Variants in SCHIP1 observed in about 807,000 individuals in gnomAD.
SCHIP1 encodes the protein schwannomin-interacting protein 1.
A neutral mutation model predicts 29.7 loss-of-function variants in SCHIP1; 8 were observed. The ratio of observed to expected loss-of-function variants is 0.27; its 90% CI spans 0.16 to 0.49. SCHIP1 has a LOEUF of 0.49. SCHIP1 is among the 20% of genes least tolerant of loss of function. The probability of loss-of-function intolerance (pLI) is 0.99; values close to 1 mark genes in which losing one functional copy is unlikely to be tolerated. For synonymous variants in SCHIP1, 76 were observed against 94.9 expected (o/e 0.80, Z 1.16); for missense variants, 193 against 294.6 (o/e 0.66, Z 2.52).
the SCHIP1 span, among the ~76,000 whole-genome samples, chr3:159,649,963 G>A: frequency 6.6e-6 from 1 of 152,228 alleles, no homozygotes; most frequent in South Asian, 2.1e-4. Flanking sequence ...CCAAGACATA[G>A]GTATATTCTA....
chr3:159,609,711 G>A, the SCHIP1 span, among the ~76,000 whole-genome samples: 5 of 152,126 alleles, frequency 3.3e-5, no homozygotes, highest in Admixed American at 6.5e-5. Flanking sequence ...AGATAGCAGA[G>A]TTGCCCTACG....
chr3:159,310,317 A>T, the SCHIP1 span, among the ~76,000 whole-genome samples: 1 of 152,172 alleles, frequency 6.6e-6, no homozygotes, highest in African/African-American at 2.4e-5. Context: ...GTGTCTAGTA[A>T]TGCATCCCTT....
chr3:159,273,679 A>G, the SCHIP1 span: 25 of 1,395,578 alleles, frequency 1.8e-5, no homozygotes, highest in African/African-American at 1.9e-4. Context: ...GGGCAAAAGC[A>G]TCACTTATTT....
At chr3:159,694,244 C>CTAACCT in the SCHIP1 span, among the ~76,000 whole-genome samples, 2 of 151,912 alleles carry the variant, frequency 1.3e-5, no homozygotes, top group Non-Finnish European at 2.9e-5. Context: ...AACCCTAACC[C>CTAACCT]TAACCCTAAC....
rs1440922016 is a variant in SCHIP1, at chr3:159,842,997, C to CTTTTTTT, written c.30+2786_30+2787insTTTTTTT. Among the ~76,000 whole-genome samples, 290 of 61,672 alleles carry CTTTTTTT rather than the reference C, an allele frequency of 4.7e-3. 28 individuals carry two copies. Among genetic ancestry groups the CTTTTTTT allele is most frequent in the East Asian group, 0.014 (34 of 2,426 alleles). The allele number at this position is 61,672 out of a possible 152,430, so 40.5% of individuals were successfully genotyped here. A position where few individuals can be genotyped will look rare whatever the true frequency, so the allele number is the denominator to read the frequency against. ...GCTCTCCAGTTCTATCCCAATATTTCTTTCTTTTTTTTTTTTTTTTTTTTT... is the reference window on the plus strand; with the variant it reads ...GCTCTCCAGTTCTATCCCAATATTTCTTTTTTTTTTCTTTTTTTTTTTTTTTTTTTTT... On this transcript the variant is annotated intron_variant, in intron 1 of 6. Coordinates refer to ENST00000445224, the Ensembl canonical transcript of SCHIP1.
chr3:159,273,986 G>T, the SCHIP1 span: 1 of 1,523,560 alleles, frequency 6.6e-7, no homozygotes, highest in South Asian at 1.2e-5. Flanking sequence ...AATTTAAGCT[G>T]ATGGCCTTCA....
At chr3:159,584,129 A>C in the SCHIP1 span, among the ~76,000 whole-genome samples, 1 of 152,132 alleles carries the variant, frequency 6.6e-6, no homozygotes, top group Non-Finnish European at 1.5e-5. Flanking sequence ...GGTACTTGCC[A>C]GGTCATTTTG....
At chr3:159,585,279 T>C in the SCHIP1 span, among the ~76,000 whole-genome samples, 2 of 152,146 alleles carry the variant, frequency 1.3e-5, no homozygotes, top group Non-Finnish European at 2.9e-5. Context: ...GAGTAGGTAC[T>C]CACTAAGTAA....
At chr3:159,545,704 C>G in the SCHIP1 span, among the ~76,000 whole-genome samples, 25,475 of 146,330 alleles carry the variant, frequency 0.17, 2,452 homozygotes, top group South Asian at 0.35. Context: ...AATTGTACAT[C>G]TTTTGTACAA....
At chr3:159,844,517 G>A (rs1711540633) in intron 1 of SCHIP1, among the ~76,000 whole-genome samples, 1 of 152,178 alleles carries the variant, frequency 6.6e-6, no homozygotes, top group Non-Finnish European at 1.5e-5. Flanking sequence ...TGTGGTCTTA[G>A]CCCTGTTAAA....
the SCHIP1 span, among the ~76,000 whole-genome samples, chr3:159,776,332 C>CTT: frequency 0.031 from 4,194 of 133,416 alleles, 152 homozygotes; most frequent in African/African-American, 0.11. Context: ...AGTGTTCTGT[C>CTT]TTTTTTTTTT....
the SCHIP1 span, among the ~76,000 whole-genome samples, chr3:159,694,592 GA>G: frequency 7.3e-6 from 1 of 136,092 alleles, no homozygotes; most frequent in Non-Finnish European, 1.7e-5. Flanking sequence ...AAGAAAGAAA[GA>G]AAGAAAGAAA....
At chr3:159,772,816 C>T in the SCHIP1 span, among the ~76,000 whole-genome samples, 5 of 152,276 alleles carry the variant, frequency 3.3e-5, no homozygotes, top group East Asian at 9.7e-4. Flanking sequence ...TCTCAGCTCA[C>T]TGCAAACTCC....
the SCHIP1 span, among the ~76,000 whole-genome samples, chr3:159,416,265 C>T: frequency 3.3e-5 from 5 of 152,324 alleles, no homozygotes; most frequent in East Asian, 9.7e-4. Flanking sequence ...CTACAGAAGC[C>T]TCCCTGACTA....
chr3:159,626,802 C>G, the SCHIP1 span, among the ~76,000 whole-genome samples: 1 of 152,140 alleles, frequency 6.6e-6, no homozygotes, highest in Non-Finnish European at 1.5e-5. Context: ...TCCTGTCCTC[C>G]CTTTTGTACA....
At chr3:159,846,406 A>G (rs1711844365) in intron 1 of SCHIP1, among the ~76,000 whole-genome samples, 1 of 152,216 alleles carries the variant, frequency 6.6e-6, no homozygotes, top group Admixed American at 6.5e-5. Flanking sequence ...ACAGCCTTTT[A>G]TGCCCAGATT....
chr3:159,472,852 A>G, the SCHIP1 span, among the ~76,000 whole-genome samples: 4 of 152,284 alleles, frequency 2.6e-5, no homozygotes, highest in South Asian at 8.3e-4. Context: ...GGCTTCCTGT[A>G]GTTAAGATTC....
the SCHIP1 span, among the ~76,000 whole-genome samples, chr3:159,672,142 C>A: frequency 1.3e-5 from 2 of 152,198 alleles, no homozygotes; most frequent in African/African-American, 4.8e-5. Flanking sequence ...CCTCCTGCTG[C>A]TGCAGTGGCA....
the SCHIP1 span, among the ~76,000 whole-genome samples, chr3:159,362,961 A>C: frequency 6.6e-6 from 1 of 152,172 alleles, no homozygotes; most frequent in Non-Finnish European, 1.5e-5. Flanking sequence ...CTTATGAAGA[A>C]AGCTGCATGA....
Sources: gnomAD v4.1 joint callset for allele counts (sites outside exome capture counted in the v4.1 genomes callset) on GRCh38, gnomAD v4.1.1 for gene constraint, MANE v1.5 for transcripts, NCBI Gene and HGNC (gene_info 2026-07-23, HGNC 2026-07-21) for gene names.